The following MAP3K15 variants were observed in gnomAD, a reference collection of about 807,000 sequenced individuals.
MAP3K15 encodes the protein mitogen-activated protein kinase kinase kinase 15.
Under a neutral mutation model 99.5 loss-of-function variants are expected in MAP3K15, and 124 were observed. The ratio of observed to expected loss-of-function variants is 1.25; its 90% CI spans 1.08 to 1.45. The LOEUF is 1.45. MAP3K15 is among the 40% of genes most tolerant of loss of function. MAP3K15 has a pLI of 0.00. For missense variants in MAP3K15, 1,242 were observed against 1,079.7 expected, an observed-to-expected ratio of 1.15 and a Z score of -2.11; for synonymous variants, 494 against 439.6, an observed-to-expected ratio of 1.12 and a Z score of -1.55.
chrX:19,381,611 G>A lies in MAP3K15; in HGVS notation c.2432-1334C>T, dbSNP rs182371251. Among the ~76,000 whole-genome samples the A allele has an allele frequency of 2.7e-3, 308 of 112,121 alleles. 1 individual carries two copies. The highest frequency in any genetic ancestry group is 8.7e-3 in the African/African-American group (268 of 30,874). ...CCGGGGAACAAGCGATGTCTGACAC[G>A]GGGCAGGGTGTGGGAATAGTTAAGG... On this transcript the variant is annotated intron_variant, in intron 18 of 28. Coordinates refer to ENST00000338883, the MANE Select transcript of MAP3K15 (RefSeq NM_001001671.4).
rs1407723572 is a variant in MAP3K15, at chrX:19,372,938, C to T, written c.2934-111G>A. Reference sequence around the variant, plus strand: ...GCTGAGAGGTAACTGCGATGCAGTCCCTGTGCTCAAGAAGATGAAATTGCC... The same window carrying T: ...GCTGAGAGGTAACTGCGATGCAGTCTCTGTGCTCAAGAAGATGAAATTGCC... On this transcript the variant is annotated intron_variant, in intron 21 of 28. Transcript: ENST00000338883. 8 of 731,889 alleles carry T rather than the reference C, an allele frequency of 1.1e-5. 1 individual carries two copies. The highest frequency in any genetic ancestry group is 6.4e-5 in the African/African-American group (3 of 46,752). 60.3% of individuals were successfully genotyped at this position (731,889 alleles called of 1,213,427 possible).
intron 9 of MAP3K15, among the ~76,000 whole-genome samples, chrX:19,415,579 A>T (rs2063727541): frequency 9.0e-6 from 1 of 111,649 alleles, no homozygotes; most frequent in East Asian, 2.8e-4. Context: ...GGCACAGCTG[A>T]CTCTTGAACA....
chrX:19,440,978 G>A (rs1393335212), intron 6 of MAP3K15, among the ~76,000 whole-genome samples: 2 of 111,712 alleles, frequency 1.8e-5, no homozygotes, highest in Non-Finnish European at 1.9e-5. Flanking sequence ...ACCCTCTCTA[G>A]TACAGTCAAA....
At chrX:19,361,089 T>C (rs996125838) in intron 28 of MAP3K15, 17 of 419,800 alleles carry the variant, frequency 4.0e-5, no homozygotes, top group South Asian at 1.9e-4. Flanking sequence ...GCAGGCACGC[T>C]TGCCATGTGC....
chrX:19,436,468 C>T (rs957565195), intron 6 of MAP3K15, among the ~76,000 whole-genome samples: 1 of 111,255 alleles, frequency 9.0e-6, no homozygotes, highest in Non-Finnish European at 1.9e-5. Context: ...CTTGGCAGTA[C>T]CCTTGGACAT....
intron 19 of MAP3K15, among the ~76,000 whole-genome samples, chrX:19,377,629 G>A (rs1400755262): frequency 1.8e-5 from 2 of 111,979 alleles, no homozygotes; most frequent in East Asian, 2.8e-4. Context: ...CGGAGGAATC[G>A]AGCCAGTCAC....
At chrX:19,506,107 T>C (rs1441074263) in intron 1 of MAP3K15, among the ~76,000 whole-genome samples, 2 of 111,530 alleles carry the variant, frequency 1.8e-5, no homozygotes, top group Non-Finnish European at 3.8e-5. Context: ...TAATTTTTTA[T>C]ATTTTTAGTA....
chrX:19,426,882 T>G (rs867623699), intron 7 of MAP3K15, among the ~76,000 whole-genome samples: 27 of 107,557 alleles, frequency 2.5e-4, no homozygotes, highest in Non-Finnish European at 4.6e-4. Flanking sequence ...TAGGGAGTTT[T>G]AATTTTTTTT....
intron 2 of MAP3K15, among the ~76,000 whole-genome samples, 153 bp from the exon 3 acceptor site, chrX:19,486,658 A>T (rs2064327990): frequency 9.0e-6 from 1 of 110,911 alleles, no homozygotes; most frequent in Non-Finnish European, 1.9e-5. Flanking sequence ...ATCATGTGAA[A>T]CCTCCCTCTC....
intron 6 of MAP3K15, among the ~76,000 whole-genome samples, chrX:19,434,951 C>T (rs1324361809): frequency 8.9e-6 from 1 of 112,050 alleles, no homozygotes; most frequent in African/African-American, 3.2e-5. Flanking sequence ...TTTTATCTTT[C>T]CTCTTTTTGT....
At chrX:19,511,610 A>C (rs1285050744) in intron 1 of MAP3K15, among the ~76,000 whole-genome samples, 2 of 112,403 alleles carry the variant, frequency 1.8e-5, no homozygotes, top group Non-Finnish European at 3.8e-5. Context: ...AATCAAAATC[A>C]CAATGAGATA....
At chrX:19,468,740 T>C (rs2064186266) in intron 3 of MAP3K15, among the ~76,000 whole-genome samples, 1 of 111,964 alleles carries the variant, frequency 8.9e-6, no homozygotes, top group Non-Finnish European at 1.9e-5. Flanking sequence ...TGATTCTTCC[T>C]ACCCATGAGC....
At chrX:19,511,572 C>T (rs1420177127) in intron 1 of MAP3K15, among the ~76,000 whole-genome samples, 2 of 111,737 alleles carry the variant, frequency 1.8e-5, no homozygotes, top group Non-Finnish European at 3.8e-5. Context: ...AAAAAAAACC[C>T]ATCAATACTA....
chrX:19,416,321 A>C (rs1269942508), intron 9 of MAP3K15, among the ~76,000 whole-genome samples: 1 of 108,984 alleles, frequency 9.2e-6, no homozygotes, highest in African/African-American at 3.4e-5. Context: ...ACAGAGCGAG[A>C]CTCTGTCTCA....
intron 13 of MAP3K15, among the ~76,000 whole-genome samples, chrX:19,402,127 ATT>A (rs200204588): frequency 2.2e-5 from 2 of 89,919 alleles, no homozygotes; most frequent in Non-Finnish European, 2.0e-5. Context: ...CGTTTCTACA[ATT>A]TTTTTTTTTT....
intron 18 of MAP3K15, among the ~76,000 whole-genome samples, chrX:19,384,633 C>T (rs1357439815): frequency 9.4e-6 from 1 of 106,451 alleles, no homozygotes; most frequent in Non-Finnish European, 1.9e-5. Flanking sequence ...GTCTCAGCTA[C>T]TTGGAAGGCT....
intron 11 of MAP3K15, among the ~76,000 whole-genome samples, chrX:19,412,779 G>T (rs1462484800): frequency 9.0e-6 from 1 of 111,064 alleles, no homozygotes; most frequent in African/African-American, 3.3e-5. Context: ...CTGTTGCCCA[G>T]GCTCGAGTGC....
rs1344369320 is a variant in MAP3K15, at chrX:19,459,994, A to G, written c.879T>C (p.Arg293=). The change falls in exon 5 of 29, where the codon CGT becomes CGC. Residue 293 remains arginine, a synonymous_variant. Transcript: ENST00000338883. ...DIIINLLLSY[R]DIQDYDAMVK... is the part of the protein sequence containing the mutation. ...TAGGTGGATTTCATACCTGGATATCACGGTAGGACAGGAGTAAGTTAATGA... is the reference window on the plus strand; with the variant it reads ...TAGGTGGATTTCATACCTGGATATCGCGGTAGGACAGGAGTAAGTTAATGA... The G allele has an allele frequency of 8.7e-7, 1 of 1,147,316 alleles. No homozygotes were observed. Among genetic ancestry groups the G allele is most frequent in the Middle Eastern group, 2.4e-4 (1 of 4,135 alleles). 94.6% of individuals were successfully genotyped at this position (1,147,316 alleles called of 1,213,427 possible).
intron 25 of MAP3K15, 88 bp from the exon 26 acceptor site, chrX:19,362,938 A>G (rs1273401728): frequency 1.4e-5 from 7 of 507,958 alleles, no homozygotes; most frequent in South Asian, 6.4e-5. Flanking sequence ...TGCATACATT[A>G]GAGATGGAAA....
Sources: gnomAD v4.1 joint callset for allele counts (sites outside exome capture counted in the v4.1 genomes callset) on GRCh38, gnomAD v4.1.1 for gene constraint, MANE v1.5 for transcripts, NCBI Gene and HGNC (gene_info 2026-07-23, HGNC 2026-07-21) for gene names.